ADAM19: variants seen among roughly 807,000 people sequenced by gnomAD.
ADAM19 encodes the protein disintegrin and metalloproteinase domain-containing protein 19.
Under a neutral mutation model 114.7 loss-of-function variants are expected in ADAM19, and 65 were observed. The ratio of observed to expected loss-of-function variants is 0.57; its 90% CI spans 0.46 to 0.70. ADAM19 has a LOEUF of 0.70. ADAM19 is among the 30% of genes least tolerant of loss of function. ADAM19 has a pLI of 0.00. For missense variants in ADAM19, 1,063 were observed against 1,204.7 expected, an observed-to-expected ratio of 0.88 and a Z score of 1.74; for synonymous variants, 466 against 460.5, an observed-to-expected ratio of 1.01 and a Z score of -0.15.
intron 5 of ADAM19, among the ~76,000 whole-genome samples, chr5:157,528,256 G>T (rs936325901): frequency 3.9e-5 from 6 of 152,312 alleles, no homozygotes; most frequent in Middle Eastern, 3.4e-3. Flanking sequence ...AAGTAAGGCA[G>T]GTGGACCTCA....
intron 14 of ADAM19, 61 bp from the exon 15 acceptor site, chr5:157,494,856 G>A: frequency 7.4e-7 from 1 of 1,348,164 alleles, no homozygotes; most frequent in Admixed American, 1.8e-5. Flanking sequence ...AAGGGCAAAG[G>A]TATCTTTGGT....
chr5:157,486,390 C>T (rs568843621), intron 21 of ADAM19, among the ~76,000 whole-genome samples: 70 of 152,150 alleles, frequency 4.6e-4, no homozygotes, highest in Non-Finnish European at 9.6e-4. Flanking sequence ...ACCTGGGACC[C>T]GGGGCCCAGG....
In ADAM19 at chr5:157,490,324, C is replaced by T. The variant is rs1185728451; in HGVS notation, c.2226G>A (p.Leu742=). 6.2e-7 allele frequency: 1 copy of T among 1,613,994 alleles called. No homozygotes were observed. The highest frequency in any genetic ancestry group is 8.5e-7 in the Non-Finnish European group (1 of 1,180,030). ...CCCTGTCATACCTGAACTGTTGCCT[C>T]AGCTTGGAAGGGAGAGCTGAGGGCT... ...QLKPSALPSK[L]RQQFSCPFRV... Residue 742 remains leucine, a synonymous_variant, in exon 19 of 23, where the codon CTG becomes CTA. Coordinates refer to ENST00000257527, the MANE Select transcript of ADAM19 (RefSeq NM_033274.5).
chr5:157,533,283 C>A (rs1756673321), intron 4 of ADAM19, among the ~76,000 whole-genome samples: 1 of 152,210 alleles, frequency 6.6e-6, no homozygotes, highest in African/African-American at 2.4e-5. Context: ...GTCTTTGCAT[C>A]AAACTCTTCT....
intron 2 of ADAM19, among the ~76,000 whole-genome samples, chr5:157,565,598 A>T (rs906740827): frequency 6.6e-6 from 1 of 151,654 alleles, no homozygotes; most frequent in East Asian, 1.9e-4. Flanking sequence ...GATCCTAGCT[A>T]CTCGGGAGGC....
In ADAM19 at chr5:157,502,801, A is replaced by C. The variant is rs1447742754; in HGVS notation, c.1308+2T>G. The C allele has an allele frequency of 6.2e-7, 1 of 1,612,702 alleles. No individual in the cohort carries two copies. The highest frequency in any genetic ancestry group is 8.5e-7 in the Non-Finnish European group (1 of 1,179,320). ...CCCACTAGCACCATTGTGACCCCTC[A>C]CCTCTTCTTCTCCACAGTCACACTC... On this transcript the variant is annotated splice_donor_variant, in intron 12 of 22. Transcript: ENST00000257527. LOFTEE classifies it high-confidence loss of function.
Position 157,477,747 on chromosome 5 carries a change from G to C in ADAM19, c.*3202C>G. On this transcript the variant is annotated 3_prime_UTR_variant, in exon 23 of 23. Transcript: ENST00000257527. ...GTCTTCCATACCCTCTGTCAAATAA[G>C]AATAAATTAGGAAGTAGGCAGGGAG... 1 of 1,288,668 alleles carries C rather than the reference G, an allele frequency of 7.8e-7. No individual in the cohort carries two copies. The highest frequency in any genetic ancestry group is 1.0e-6 in the Non-Finnish European group (1 of 987,938). 79.8% of individuals were successfully genotyped at this position (1,288,668 alleles called of 1,614,324 possible).
intron 12 of ADAM19, among the ~76,000 whole-genome samples, chr5:157,502,256 C>A (rs1036341303): frequency 6.6e-6 from 1 of 152,166 alleles, no homozygotes; most frequent in Non-Finnish European, 1.5e-5. Flanking sequence ...CGGGCTCTGC[C>A]GTGTACCCTC....
chr5:157,504,823 T>C (rs1755688150), intron 11 of ADAM19, among the ~76,000 whole-genome samples: 3 of 141,098 alleles, frequency 2.1e-5, no homozygotes, highest in Admixed American at 7.2e-5. Context: ...AGACTCTGGT[T>C]TTAAAAATCC....
intron 2 of ADAM19, chr5:157,566,597 T>C (rs1757669521): frequency 6.6e-6 from 1 of 152,222 alleles, no homozygotes; most frequent in Non-Finnish European, 1.5e-5. Context: ...AGAAATAAAT[T>C]ATTTTTTTAA....
At position 157,494,778 on chromosome 5, in the gene ADAM19, C is replaced by A. The variant is rs1239557183; in HGVS notation, c.1612G>T (p.Asp538Tyr). 1.9e-6 allele frequency: 3 copies of A among 1,613,712 alleles called. No individual in the cohort carries two copies. The highest frequency in any genetic ancestry group is 1.1e-5 in the South Asian group (1 of 91,046). The change falls in exon 15 of 23, where the codon GAC becomes TAC. Residue 538 changes from aspartate (D) to tyrosine (Y), a missense_variant. Asp to Tyr is a radical substitution (Grantham distance 160). This residue lies in a region of ADAM19 where 615 missense variants were observed against 706.3 expected (regional missense o/e 0.87). Transcript: ENST00000257527. ...LWGPGARPAP[D>Y]LCFEKVNVAG... ...ACATTCACCTTCTCGAAGCAGAGGT[C>A]AGGGGCAGGTCGGGCTCCTGGGTGG...
chr5:157,484,027 T>A (rs1260869769), intron 21 of ADAM19, among the ~76,000 whole-genome samples: 1 of 152,122 alleles, frequency 6.6e-6, no homozygotes, highest in Non-Finnish European at 1.5e-5. Flanking sequence ...GCAGCTATAT[T>A]TTGTTCATGT....
At chr5:157,481,074 T>G in intron 22 of ADAM19, 72 bp from the exon 23 acceptor site, 1 of 1,598,332 alleles carries the variant, frequency 6.3e-7, no homozygotes, top group Non-Finnish European at 8.5e-7. Flanking sequence ...GGGGCAGCCA[T>G]CCTCCCGATT....
intron 7 of ADAM19, among the ~76,000 whole-genome samples, chr5:157,516,874 C>T (rs1171584338): frequency 6.6e-6 from 1 of 152,018 alleles, no homozygotes; most frequent in Non-Finnish European, 1.5e-5. Flanking sequence ...GATTTTGCTC[C>T]CCACACTATT....
In ADAM19 at chr5:157,494,810, A is replaced by G. The variant is rs1561845076; in HGVS notation, c.1595-15T>C. The G allele has an allele frequency of 6.2e-7, 1 of 1,607,586 alleles. No homozygotes were observed. Among genetic ancestry groups the G allele is most frequent in the Non-Finnish European group, 8.5e-7 (1 of 1,174,398 alleles). On this transcript the variant is annotated splice_polypyrimidine_tract_variant and intron_variant, in intron 14 of 22. Transcript: ENST00000257527. ...AGGTCGGGCTCCTGGGTGGGCAAGC[A>G]ACATCTATCAGTATACTCATCTGTC... is the stretch of plus-strand genomic sequence containing the variant.
intron 3 of ADAM19, among the ~76,000 whole-genome samples, chr5:157,553,720 C>G (rs1416574717): frequency 5.3e-5 from 8 of 151,594 alleles, no homozygotes; most frequent in African/African-American, 2.0e-4. Context: ...AACAAGAAAT[C>G]AGAAACCTAA....
Position 157,480,809 on chromosome 5 carries a change from T to C in ADAM19, c.*140A>G, listed in dbSNP as rs1754722215. 1.3e-5 allele frequency: 20 copies of C among 1,484,458 alleles called. No individual in the cohort carries two copies. In the South Asian group the frequency reaches 2.6e-4, roughly 19 times the overall value. The allele number at this position is 1,484,458 out of a possible 1,614,324, so 92.0% of individuals were successfully genotyped here. On this transcript the variant is annotated 3_prime_UTR_variant, in exon 23 of 23. Coordinates refer to ENST00000257527, the MANE Select transcript of ADAM19 (RefSeq NM_033274.5). Reference sequence around the variant, plus strand: ...AGGAGGCACTGAGTCAACAGGGAGATTTTTGGAGATGTGGAGGTTCCTGGA... The same window carrying C: ...AGGAGGCACTGAGTCAACAGGGAGACTTTTGGAGATGTGGAGGTTCCTGGA...
chr5:157,479,415 A>G lies in ADAM19; in HGVS notation c.*1534T>C. Reference sequence around the variant, plus strand: ...TGGCAGGATGGGAGGAGGCCCCAGGAAAGCCTCAGAGGAGTGAGAGTCAGG... The same window carrying G: ...TGGCAGGATGGGAGGAGGCCCCAGGGAAGCCTCAGAGGAGTGAGAGTCAGG... On this transcript the variant is annotated 3_prime_UTR_variant, in exon 23 of 23. Transcript: ENST00000257527. 1 of 986,030 alleles carries G rather than the reference A, an allele frequency of 1.0e-6. No individual in the cohort carries two copies. The allele number at this position is 986,030 out of a possible 1,614,324, so 61.1% of individuals were successfully genotyped here. A position where few individuals can be genotyped will look rare whatever the true frequency, so the allele number is the denominator to read the frequency against.
intron 3 of ADAM19, among the ~76,000 whole-genome samples, chr5:157,538,994 A>C (rs566397703): frequency 6.6e-6 from 1 of 152,114 alleles, no homozygotes; most frequent in Non-Finnish European, 1.5e-5. Context: ...GTGAAACCCC[A>C]TCTCTACTAA....
Sources: allele counts gnomAD v4.1 joint callset (sites outside exome capture counted in the v4.1 genomes callset), GRCh38; gene constraint gnomAD v4.1.1; regional missense constraint gnomAD v4.1.1; transcripts MANE v1.5; gene names NCBI Gene and HGNC (gene_info 2026-07-23, HGNC 2026-07-21).